Variants in ZNF454 observed in about 807,000 individuals in gnomAD.
The protein encoded by ZNF454 is zinc finger protein 454.
A neutral mutation model predicts 48.2 loss-of-function variants in ZNF454; 30 were observed. The observed-to-expected ratio is 0.62, with a 90% confidence interval of 0.47 to 0.84. ZNF454 has a LOEUF of 0.84. Among genes scored for constraint, ZNF454 ranks in the 40% least tolerant of loss-of-function variants. ZNF454 has a pLI of 0.00. For missense variants in ZNF454, 510 were observed against 623.1 expected (o/e 0.82, Z 1.93); for synonymous variants, 204 against 211.4 (o/e 0.97, Z 0.30).
At chr5:178,987,500 C>G in the ZNF454 span, 1 of 454,556 alleles carries the variant, frequency 2.2e-6, no homozygotes, top group Non-Finnish European at 4.4e-6. Flanking sequence ...CAGTTCTGAC[C>G]CATGCTATAA....
At chr5:178,976,043 A>G in the ZNF454 span, 1 of 426,004 alleles carries the variant, frequency 2.3e-6, no homozygotes, top group Non-Finnish European at 4.8e-6. Flanking sequence ...CCTCCATGCC[A>G]CTCTCTTTGC....
At position 178,941,311 on chromosome 5, in the gene ZNF454, T is replaced by C; in HGVS notation, c.-241T>C. ...GCGACACGGGGCTGACCAGGCACGGTGGTCAAAGCCGCAGAGGGAGAGCGG... is the reference window on the plus strand; with the variant it reads ...GCGACACGGGGCTGACCAGGCACGGCGGTCAAAGCCGCAGAGGGAGAGCGG... On this transcript the variant is annotated 5_prime_UTR_variant, in exon 1 of 5. Coordinates refer to ENST00000519564, the MANE Select transcript of ZNF454 (RefSeq NM_001178089.3). The surrounding 1 kb of genome is among the most constrained non-coding windows in gnomAD (Gnocchi z 5.5). 2.2e-6 allele frequency: 1 copy of C among 445,718 alleles called. No individual in the cohort carries two copies. The highest frequency in any genetic ancestry group is 1.6e-5 in the South Asian group (1 of 62,730). The allele number at this position is 445,718 out of a possible 1,614,324, so 27.6% of individuals were successfully genotyped here.
At position 178,944,497 on chromosome 5, in the gene ZNF454, G is replaced by T. The variant is rs569661690; in HGVS notation, c.33+1673G>T. On this transcript the variant is annotated intron_variant, in intron 2 of 4. Coordinates refer to ENST00000519564, the MANE Select transcript of ZNF454 (RefSeq NM_001178089.3). This position sits in a 1 kb window ranked among gnomAD's most constrained non-coding sequence, Gnocchi z 4.1. ...TCTGGGCTACAAATACAAAGTGAAC[G>T]ATAAATGGGCCCTGACAAATTGGTT... 3.9e-5 allele frequency among the ~76,000 whole-genome samples: 6 copies of T among 152,206 alleles called. No homozygotes were observed. Among genetic ancestry groups the T allele is most frequent in the Non-Finnish European group, 7.4e-5 (5 of 68,026 alleles).
At chr5:178,960,199 C>T (rs903634934) in intron 4 of ZNF454, among the ~76,000 whole-genome samples, 2 of 151,556 alleles carry the variant, frequency 1.3e-5, no homozygotes, top group Admixed American at 6.6e-5. Flanking sequence ...GGTCCTCCTG[C>T]CTTGGCCTCC....
the ZNF454 span, among the ~76,000 whole-genome samples, chr5:178,985,972 G>C: frequency 6.6e-6 from 1 of 152,158 alleles, no homozygotes; most frequent in Non-Finnish European, 1.5e-5. Flanking sequence ...ATGTTGCCCA[G>C]GCTGGTCTCG....
chr5:178,982,831 A>G, the ZNF454 span: 1 of 997,680 alleles, frequency 1.0e-6, no homozygotes, highest in Non-Finnish European at 1.6e-6. Context: ...AAGCACGAAC[A>G]AGCATTTAAT....
At chr5:178,989,706 C>A in the ZNF454 span, 12 of 491,384 alleles carry the variant, frequency 2.4e-5, no homozygotes, top group Middle Eastern at 5.8e-4. Context: ...AGAGCCTCAC[C>A]ATTTGAAAGA....
chr5:178,984,065 G>A, the ZNF454 span, among the ~76,000 whole-genome samples: 4 of 152,286 alleles, frequency 2.6e-5, no homozygotes, highest in South Asian at 4.1e-4. Flanking sequence ...TTCTCCCAAA[G>A]GCAGCAGACC....
At chr5:178,986,760 C>T in the ZNF454 span, 131 of 1,608,872 alleles carry the variant, frequency 8.1e-5, no homozygotes, top group South Asian at 3.5e-4. Context: ...CCACCTGGGA[C>T]GCACAAAACA....
chr5:178,957,475 T>C (rs903125418), intron 4 of ZNF454, among the ~76,000 whole-genome samples: 1 of 152,082 alleles, frequency 6.6e-6, no homozygotes, highest in Non-Finnish European at 1.5e-5. Context: ...AGTGGCACGA[T>C]CTCGGCTCAC....
chr5:178,983,356 G>T, the ZNF454 span: 1 of 806,678 alleles, frequency 1.2e-6, no homozygotes, highest in Non-Finnish European at 2.1e-6. Context: ...TCTTCGTGGT[G>T]GCTCTCAGGA....
the ZNF454 span, chr5:178,985,663 A>C: frequency 7.1e-3 from 2,813 of 398,670 alleles, 23 homozygotes; most frequent in Non-Finnish European, 0.011. Context: ...AGATAGTGCC[A>C]CTGCACTCCA....
rs143749551 is a variant in ZNF454, at chr5:178,946,940, A to G, written c.204A>G (p.Lys68=). Residue 68 remains lysine, a synonymous_variant, in exon 4 of 5, where the codon AAA becomes AAG. Transcript: ENST00000519564. The surrounding 1 kb of genome is among the most constrained non-coding windows in gnomAD (Gnocchi z 4.5). ...PKPDTFSQLE[K]REVWMPEDTP... is the part of the protein sequence containing the mutation. ...CAGATACGTTTTCCCAGCTAGAAAA[A>G]AGGGAAGTGTGGATGCCAGAGGACA... 4 of 1,614,074 alleles carry G rather than the reference A, an allele frequency of 2.5e-6. No individual in the cohort carries two copies. Among genetic ancestry groups the G allele is most frequent in the South Asian group, 1.1e-5 (1 of 91,082 alleles).
intron 4 of ZNF454, among the ~76,000 whole-genome samples, chr5:178,956,737 T>G (rs1036020188): frequency 6.6e-6 from 1 of 151,216 alleles, no homozygotes; most frequent in African/African-American, 2.4e-5. Context: ...ACGGAGTCTC[T>G]CTCTGTCACT....
intron 4 of ZNF454, among the ~76,000 whole-genome samples, chr5:178,949,894 T>C (rs1231361499): frequency 6.6e-6 from 1 of 152,148 alleles, no homozygotes; most frequent in Non-Finnish European, 1.5e-5. Context: ...GGATTACAGG[T>C]GTGAGCCACC....
At chr5:178,982,108 C>G in the ZNF454 span, among the ~76,000 whole-genome samples, 1 of 152,242 alleles carries the variant, frequency 6.6e-6, no homozygotes, top group Admixed American at 6.5e-5. Flanking sequence ...GAAGCGGGAG[C>G]CGGGGCATGT....
rs1561695261 is a variant in ZNF454, at chr5:178,946,413, C to T, written c.88C>T (p.Gln30Ter). The T allele has an allele frequency of 6.2e-7, 1 of 1,613,046 alleles. No individual in the cohort carries two copies. Among genetic ancestry groups the T allele is most frequent in the African/African-American group, 1.3e-5 (1 of 74,958 alleles). Residue 30 changes from glutamine to a stop codon, truncating the protein, a stop_gained, in exon 3 of 5, where the codon CAG becomes TAG. Coordinates refer to ENST00000519564, the MANE Select transcript of ZNF454 (RefSeq NM_001178089.3). LOFTEE classifies it high-confidence loss of function. This position sits in a 1 kb window ranked among gnomAD's most constrained non-coding sequence, Gnocchi z 4.5. ...AILFTQEEWGQLSPAQRALYR... is the reference protein window; with the variant it reads ...AILFTQEEWG ...ACTGTTCACCCAGGAAGAGTGGGGG[C>T]AGCTGAGCCCCGCCCAGAGGGCCCT...
chr5:178,967,353 TC>T (rs991677053), downstream of ZNF454, among the ~76,000 whole-genome samples: 2 of 152,162 alleles, frequency 1.3e-5, no homozygotes, highest in Admixed American at 6.5e-5. Context: ...CCCACTCTCT[TC>T]CCCTGGCTGT....
the ZNF454 span, among the ~76,000 whole-genome samples, chr5:178,973,862 G>GT: frequency 7.1e-6 from 1 of 140,730 alleles, no homozygotes; most frequent in African/African-American, 2.7e-5. Flanking sequence ...AAAAAAAAAG[G>GT]TCGACTGAAG....
Sources: allele counts gnomAD v4.1 joint callset (sites outside exome capture counted in the v4.1 genomes callset), GRCh38; gene constraint gnomAD v4.1.1; non-coding constraint Gnocchi (gnomAD v3.1); transcripts MANE v1.5; gene names NCBI Gene and HGNC (gene_info 2026-07-23, HGNC 2026-07-21).